ADTRP: variants seen among roughly 807,000 people sequenced by gnomAD.
ADTRP encodes the protein androgen dependent TFPI regulating protein.
Under a neutral mutation model 27.0 loss-of-function variants are expected in ADTRP, and 20 were observed. The observed-to-expected ratio is 0.74, with a 90% confidence interval of 0.52 to 1.08. The LOEUF (loss-of-function observed/expected upper bound fraction) is 1.08. Among genes scored for constraint, ADTRP ranks in the 50% least tolerant of loss-of-function variants. The pLI is 0.00. For missense variants in ADTRP, 251 were observed against 275.0 expected, an observed-to-expected ratio of 0.91 and a Z score of 0.62; for synonymous variants, 101 against 105.2, an observed-to-expected ratio of 0.96 and a Z score of 0.25.
chr6:11,775,446 C>T (rs865970653), intron 1 of ADTRP, among the ~76,000 whole-genome samples: 2 of 152,016 alleles, frequency 1.3e-5, no homozygotes, highest in East Asian at 3.9e-4. Flanking sequence ...CCCAGGGTCT[C>T]GGGGGCAGTA....
At chr6:11,736,116 C>T (rs914617015) in intron 3 of ADTRP, 7 of 165,460 alleles carry the variant, frequency 4.2e-5, no homozygotes, top group African/African-American at 1.4e-4. Flanking sequence ...GCATGTGCTA[C>T]CAAGCCCGGC....
intron 5 of ADTRP, among the ~76,000 whole-genome samples, chr6:11,718,455 G>T (rs909912191): frequency 2.0e-5 from 3 of 151,320 alleles, no homozygotes; most frequent in African/African-American, 7.3e-5. Flanking sequence ...AGAAAAAAAA[G>T]AAAATTAAGC....
At chr6:11,716,880 C>CTT (rs34642296) in intron 5 of ADTRP, among the ~76,000 whole-genome samples, 31 of 126,892 alleles carry the variant, frequency 2.4e-4, no homozygotes, top group African/African-American at 4.6e-4. Flanking sequence ...CCACACGTAG[C>CTT]TTTTTTTTTT....
chr6:11,739,042 A>C (rs1174245972), intron 3 of ADTRP, among the ~76,000 whole-genome samples: 1 of 127,382 alleles, frequency 7.9e-6, no homozygotes, highest in Non-Finnish European at 1.7e-5. Context: ...CACATATTTC[A>C]AAAAAAAAAA....
chr6:11,751,497 A>G (rs1437867089), intron 3 of ADTRP, among the ~76,000 whole-genome samples: 1 of 152,134 alleles, frequency 6.6e-6, no homozygotes, highest in Non-Finnish European at 1.5e-5. Context: ...GACATAGGTC[A>G]CTATCTGTAG....
At chr6:11,729,042 G>T (rs1762303592) in intron 4 of ADTRP, among the ~76,000 whole-genome samples, 1 of 152,126 alleles carries the variant, frequency 6.6e-6, no homozygotes, top group Non-Finnish European at 1.5e-5. Context: ...ATCTTTTAGG[G>T]TCTCCTTATC....
At chr6:11,752,075 C>T (rs764218400) in intron 3 of ADTRP, among the ~76,000 whole-genome samples, 23 of 152,228 alleles carry the variant, frequency 1.5e-4, no homozygotes, top group Middle Eastern at 3.4e-3. Context: ...TTCTTGAATC[C>T]GAGGATTACT....
At chr6:11,770,437 A>C (rs1254355612) in intron 1 of ADTRP, among the ~76,000 whole-genome samples, 1 of 152,076 alleles carries the variant, frequency 6.6e-6, no homozygotes, top group Non-Finnish European at 1.5e-5. Flanking sequence ...ACAAGATTGC[A>C]GGAAAGGGAG....
chr6:11,755,258 T>A (rs1243317905), intron 3 of ADTRP, among the ~76,000 whole-genome samples: 5 of 152,204 alleles, frequency 3.3e-5, no homozygotes, highest in African/African-American at 1.2e-4. Flanking sequence ...AATTAGAATT[T>A]TTTTTTTTAC....
At chr6:11,777,478 G>A (rs1378650301) in intron 1 of ADTRP, among the ~76,000 whole-genome samples, 1 of 68,046 alleles carries the variant, frequency 1.5e-5, no homozygotes, top group African/African-American at 4.5e-5. Context: ...GCGTGTGTGT[G>A]TGTGGTTTTT....
Position 11,716,880 on chromosome 6 carries a change from C to CT in ADTRP, c.659-2369dup, listed in dbSNP as rs34642296. On this transcript the variant is annotated intron_variant, in intron 5 of 5. Transcript: ENST00000414691. The stretch of plus-strand genomic sequence containing the variant: ...TACAGGTGTGCGCCACCACACGTAG[C>CT]TTTTTTTTTTTTTTTTTGTATTTTT... Among the ~76,000 whole-genome samples, 616 of 126,846 alleles carry CT rather than the reference C, an allele frequency of 4.9e-3. 3 individuals are homozygous for CT. Among genetic ancestry groups the CT allele is most frequent in the African/African-American group, 0.01 (330 of 32,866 alleles). The allele number at this position is 126,846 out of a possible 152,430, so 83.2% of individuals were successfully genotyped here.
At position 11,721,018 on chromosome 6, in the gene ADTRP, A is replaced by C. The variant is rs115200707; in HGVS notation, c.658+2331T>G. Among the ~76,000 whole-genome samples, 681 of 152,334 alleles carry C rather than the reference A, an allele frequency of 4.5e-3. 7 individuals carry two copies. Among genetic ancestry groups the C allele is most frequent in the South Asian group, 6.8e-3 (33 of 4,830 alleles). ...GAACAAGACATACCCCTAATTCGTAAGACACCCGAGGTCTAGTGGAAAAAC... is the reference window on the plus strand; with the variant it reads ...GAACAAGACATACCCCTAATTCGTACGACACCCGAGGTCTAGTGGAAAAAC... On this transcript the variant is annotated intron_variant, in intron 5 of 5. Transcript: ENST00000414691.
chr6:11,766,490 T>C, intron 2 of ADTRP, 115 bp from the exon 3 acceptor site: 1 of 645,236 alleles, frequency 1.5e-6, no homozygotes, highest in Non-Finnish European at 2.6e-6. Flanking sequence ...AAAGATATCT[T>C]ACATATACAT....
At chr6:11,723,198 A>T in intron 5 of ADTRP, 151 bp downstream of exon 5, 1 of 1,088,572 alleles carries the variant, frequency 9.2e-7, no homozygotes, top group Non-Finnish European at 1.3e-6. Context: ...CCTTGGCAGG[A>T]CCTCTTGGCA....
At chr6:11,778,022 A>T (rs1295026008) in intron 1 of ADTRP, among the ~76,000 whole-genome samples, 1 of 152,206 alleles carries the variant, frequency 6.6e-6, no homozygotes, top group African/African-American at 2.4e-5. Flanking sequence ...GTAAGTCATA[A>T]GATTGGTTTT....
rs972372410 is a variant in ADTRP, at chr6:11,770,034, C to A, written c.154-1651G>T. On this transcript the variant is annotated intron_variant, in intron 1 of 5. Transcript: ENST00000414691. Reference sequence around the variant, plus strand: ...TTTTACAAACGAGGAAACAAACCTGCCTAAAGCTTCCTGGCTGGTAGATGT... The same window carrying A: ...TTTTACAAACGAGGAAACAAACCTGACTAAAGCTTCCTGGCTGGTAGATGT... 7 of 1,551,672 alleles carry A rather than the reference C, an allele frequency of 4.5e-6. No homozygotes were observed. The East Asian group carries it at 1.7e-4, about 38-fold the overall frequency.
intron 4 of ADTRP, among the ~76,000 whole-genome samples, chr6:11,725,614 A>C (rs1762165142): frequency 2.6e-5 from 4 of 152,194 alleles, no homozygotes. Flanking sequence ...GCCTTGGAAA[A>C]CTATATGGTG....
intron 5 of ADTRP, among the ~76,000 whole-genome samples, chr6:11,718,234 C>T (rs1004871893): frequency 1.3e-5 from 2 of 152,226 alleles, no homozygotes; most frequent in Non-Finnish European, 2.9e-5. Flanking sequence ...TGACTCCTGG[C>T]ATGTGTCCAT....
rs210912 is a variant in ADTRP at position 11,716,564 on chromosome 6, C to T, written c.659-2052G>A. 7.2e-3 allele frequency among the ~76,000 whole-genome samples: 1,092 copies of T among 152,186 alleles called. 35 individuals carry two copies. Among genetic ancestry groups the T allele is most frequent in the Admixed American group, 0.047 (717 of 15,288 alleles). ...TTTTATTCTGTAGGGACTCATGTGG[C>T]GTGAACGTTGCAAAAATCATGTTTC... On this transcript the variant is annotated intron_variant, in intron 5 of 5. Transcript: ENST00000414691.
Sources: allele counts gnomAD v4.1 joint callset (sites outside exome capture counted in the v4.1 genomes callset), GRCh38; gene constraint gnomAD v4.1.1; transcripts MANE v1.5; gene names NCBI Gene and HGNC (gene_info 2026-07-23, HGNC 2026-07-21).